The following SRGAP3 variants were observed in gnomAD, a reference collection of about 807,000 sequenced individuals.
SRGAP3 encodes the protein SLIT-ROBO Rho GTPase activating protein 3.
A neutral mutation model predicts 121.1 loss-of-function variants in SRGAP3; 39 were observed. The observed-to-expected ratio is 0.32, with a 90% CI of 0.25 to 0.42. SRGAP3 has a LOEUF of 0.42. Ranked by LOEUF, SRGAP3 falls within the 10% of genes least tolerant of loss-of-function variation. The pLI, the probability that SRGAP3 is intolerant of heterozygous loss-of-function variation, is 1.00. For synonymous variants in SRGAP3, 601 were observed against 570.0 expected, an observed-to-expected ratio of 1.05 and a Z score of -0.77; for missense variants, 1,213 against 1,470.6, an observed-to-expected ratio of 0.82 and a Z score of 2.86.
At chr3:9,267,206 C>T (rs1954383559) in intron 3 of SRGAP3, among the ~76,000 whole-genome samples, 1 of 152,164 alleles carries the variant, frequency 6.6e-6, no homozygotes, top group Admixed American at 6.5e-5. Context: ...CTACTTCCCC[C>T]TGTAATGGCC....
At chr3:9,224,793 C>T (rs1023720245) in intron 1 of SRGAP3, among the ~76,000 whole-genome samples, 1 of 152,128 alleles carries the variant, frequency 6.6e-6, no homozygotes, top group Admixed American at 6.5e-5. Context: ...AAGTGAGAAG[C>T]CTGCAGAACC....
chr3:8,982,899 A>C lies in SRGAP3; in HGVS notation c.*2620T>G, dbSNP rs1941494707. On this transcript the variant is annotated 3_prime_UTR_variant, in exon 22 of 22. Transcript: ENST00000383836. ...CTAAGACTCTGCCCTCAGAAAATTC[A>C]GTGAAAGGCAGGTCCATTTTCAGTA... 1 of 229,002 alleles carries C rather than the reference A, an allele frequency of 4.4e-6. No individual in the cohort carries two copies. Among genetic ancestry groups the C allele is most frequent in the Non-Finnish European group, 8.7e-6 (1 of 115,432 alleles). The allele number at this position is 229,002 out of a possible 1,614,324, so 14.2% of individuals were successfully genotyped here. A position where few individuals can be genotyped will look rare whatever the true frequency, so the allele number is the denominator to read the frequency against.
chr3:9,218,419 C>T lies in SRGAP3; in HGVS notation c.67+30466G>A, dbSNP rs4108605. 47,514 of 151,918 alleles carry T rather than the reference C, an allele frequency of 0.31. 7,723 individuals carry two copies. Among genetic ancestry groups the T allele is most frequent in the Admixed American group, 0.42 (6,472 of 15,278 alleles). 9.4% of individuals were successfully genotyped at this position (151,918 alleles called of 1,614,324 possible). ...CGCTTAGCAGAGAAAATAAACACAC[C>T]GTCCATATACACCATGCCCAGCCCC... On this transcript the variant is annotated intron_variant, in intron 1 of 21. Coordinates refer to ENST00000383836, the MANE Select transcript of SRGAP3 (RefSeq NM_014850.4). This position sits in a 1 kb window ranked among gnomAD's most constrained non-coding sequence, Gnocchi z 5.3.
At chr3:9,093,260 G>C (rs1157712491) in intron 3 of SRGAP3, among the ~76,000 whole-genome samples, 3 of 152,154 alleles carry the variant, frequency 2.0e-5, no homozygotes, top group African/African-American at 7.2e-5. Context: ...TTTATAACCT[G>C]ATCTTCTGTT....
At chr3:9,141,947 A>G (rs1452135635) in intron 1 of SRGAP3, among the ~76,000 whole-genome samples, 4 of 152,256 alleles carry the variant, frequency 2.6e-5, no homozygotes, top group Non-Finnish European at 5.9e-5. Flanking sequence ...AAAAAATACA[A>G]AATCATTATC....
At chr3:9,295,525 C>T (rs1433568566) in intron 3 of SRGAP3, among the ~76,000 whole-genome samples, 1 of 152,066 alleles carries the variant, frequency 6.6e-6, no homozygotes, top group Non-Finnish European at 1.5e-5. Flanking sequence ...TGAGAGCCCA[C>T]TAAAATGACA....
intron 1 of SRGAP3, chr3:9,235,503 C>CTTTTTTT (rs397877508): frequency 1.5e-4 from 20 of 133,670 alleles, no homozygotes; most frequent in South Asian, 4.7e-4. Flanking sequence ...TTTTCTTTTT[C>CTTTTTTT]TTTTTTTTTT....
At chr3:9,168,844 G>A (rs910765689) in intron 1 of SRGAP3, among the ~76,000 whole-genome samples, 1 of 152,228 alleles carries the variant, frequency 6.6e-6, no homozygotes, top group Non-Finnish European at 1.5e-5. Context: ...GTGGCAACAT[G>A]AATATGCATA....
At chr3:9,047,765 T>C (rs1323330202) in intron 9 of SRGAP3, among the ~76,000 whole-genome samples, 2 of 152,180 alleles carry the variant, frequency 1.3e-5, no homozygotes, top group Admixed American at 1.3e-4. Flanking sequence ...AAAGCTGCCT[T>C]TGTCAGGTAA....
chr3:9,261,331 A>C (rs181395532), intron 3 of SRGAP3, among the ~76,000 whole-genome samples: 5 of 152,230 alleles, frequency 3.3e-5, no homozygotes, highest in Admixed American at 2.0e-4. Flanking sequence ...AAGGGAACAA[A>C]GCTGGATGGG....
At chr3:9,170,197 A>T (rs111746606) in intron 1 of SRGAP3, among the ~76,000 whole-genome samples, 1 of 152,172 alleles carries the variant, frequency 6.6e-6, no homozygotes, top group Admixed American at 6.5e-5. Flanking sequence ...AACCGCCCCC[A>T]GTCTCACACC....
upstream of SRGAP3, among the ~76,000 whole-genome samples, chr3:9,254,203 T>C (rs1350026685): frequency 2.6e-5 from 4 of 152,152 alleles, no homozygotes; most frequent in Admixed American, 6.5e-5. Flanking sequence ...AACCCAAATG[T>C]TGTTTGAATG....
chr3:9,285,313 G>C (rs772187218), intron 3 of SRGAP3, among the ~76,000 whole-genome samples: 1 of 152,120 alleles, frequency 6.6e-6, no homozygotes, highest in African/African-American at 2.4e-5. Flanking sequence ...ATTAATGATG[G>C]GGCTCAGAAC....
intron 1 of SRGAP3, among the ~76,000 whole-genome samples, chr3:9,233,866 CA>C (rs1953311638): frequency 6.6e-6 from 1 of 152,210 alleles, no homozygotes; most frequent in African/African-American, 2.4e-5. Flanking sequence ...GGGCAGGGAA[CA>C]TAGTAGGAGC....
chr3:9,211,665 C>CTTT (rs1193329370), intron 1 of SRGAP3, among the ~76,000 whole-genome samples: 8 of 121,148 alleles, frequency 6.6e-5, no homozygotes, highest in African/African-American at 9.3e-5. Flanking sequence ...TCTTTCTTTT[C>CTTT]TTTTTTTTTT....
chr3:9,351,170 G>C (rs924146105), intron 1 of SRGAP3, among the ~76,000 whole-genome samples: 1 of 152,124 alleles, frequency 6.6e-6, no homozygotes, highest in African/African-American at 2.4e-5. Context: ...ACATTCTAGG[G>C]GGTCAAAGTA....
intron 10 of SRGAP3, among the ~76,000 whole-genome samples, chr3:9,040,647 T>A (rs1944970288): frequency 6.6e-6 from 1 of 152,140 alleles, no homozygotes; most frequent in African/African-American, 2.4e-5. Context: ...CACTGCAACC[T>A]CAGTCTCCTG....
intron 2 of SRGAP3, among the ~76,000 whole-genome samples, chr3:9,122,320 C>CA (rs1165502000): frequency 3.3e-5 from 5 of 151,890 alleles, no homozygotes; most frequent in East Asian, 1.9e-4. Flanking sequence ...AATTTTTCTC[C>CA]AAAAAAATAT....
At chr3:9,241,786 G>A (rs1310329766) in intron 1 of SRGAP3, among the ~76,000 whole-genome samples, 1 of 152,072 alleles carries the variant, frequency 6.6e-6, no homozygotes, top group Non-Finnish European at 1.5e-5. Flanking sequence ...ATAAGAAGAG[G>A]AAGAAAGCCA....
Sources: allele counts gnomAD v4.1 joint callset (sites outside exome capture counted in the v4.1 genomes callset), GRCh38; gene constraint gnomAD v4.1.1; non-coding constraint Gnocchi (gnomAD v3.1); transcripts MANE v1.5; gene names NCBI Gene and HGNC (gene_info 2026-07-23, HGNC 2026-07-21).